Variants in PTGER4 observed in about 807,000 individuals in gnomAD.
The protein encoded by PTGER4 is prostaglandin E receptor 4.
A neutral mutation model predicts 33.2 loss-of-function variants in PTGER4; 11 were observed. The ratio of observed to expected loss-of-function variants is 0.33; its 90% CI spans 0.21 to 0.55. The LOEUF (loss-of-function observed/expected upper bound fraction) is 0.55. Among genes scored for constraint, PTGER4 ranks in the 20% least tolerant of loss-of-function variants. The pLI is 0.92. For missense variants in PTGER4, 481 were observed against 650.2 expected, an observed-to-expected ratio of 0.74 and a Z score of 2.83; for synonymous variants, 275 against 281.5, an observed-to-expected ratio of 0.98 and a Z score of 0.23.
Position 40,680,905 on chromosome 5 carries a change from G to A in PTGER4, c.-43-46G>A, listed in dbSNP as rs912895351. On this transcript the variant is annotated intron_variant, in intron 1 of 2. Coordinates refer to ENST00000302472, the MANE Select transcript of PTGER4 (RefSeq NM_000958.3). The surrounding 1 kb of genome is among the most constrained non-coding windows in gnomAD (Gnocchi z 5.5). ...GCGCGGGTCTAACACCTTACAAGTG[G>A]TAATTTCCGCTCACGGCAGCTTTGT... 4 of 1,493,504 alleles carry A rather than the reference G, an allele frequency of 2.7e-6. No individual in the cohort carries two copies. The African/African-American group carries it at 4.2e-5, about 16-fold the overall frequency. The allele number at this position is 1,493,504 out of a possible 1,614,324, so 92.5% of individuals were successfully genotyped here. A position where few individuals can be genotyped will look rare whatever the true frequency, so the allele number is the denominator to read the frequency against.
At chr5:40,736,604 A>T in the PTGER4 span, among the ~76,000 whole-genome samples, 1 of 152,182 alleles carries the variant, frequency 6.6e-6, no homozygotes, top group Non-Finnish European at 1.5e-5. Context: ...AATTTACAAA[A>T]ATATATATTA....
At chr5:40,733,426 G>A in the PTGER4 span, among the ~76,000 whole-genome samples, 36 of 152,150 alleles carry the variant, frequency 2.4e-4, no homozygotes, top group Non-Finnish European at 5.0e-4. Context: ...GGGCATTGCT[G>A]TGTCCCAGTA....
Position 40,693,231 on chromosome 5 carries a change from CCTCA to C in PTGER4, c.*856_*859del, listed in dbSNP as rs1256222596. On this transcript the variant is annotated 3_prime_UTR_variant, in exon 3 of 3. Transcript: ENST00000302472. Reference sequence around the variant, plus strand: ...GCTGGTGAATATTTTCAACTTTTTCCCTCACTAATTGGTACTTTTAAAAACATAA... The same window carrying C: ...GCTGGTGAATATTTTCAACTTTTTCCCTAATTGGTACTTTTAAAAACATAA... The C allele has an allele frequency of 1.0e-6, 1 of 983,822 alleles. No individual in the cohort carries two copies. Among genetic ancestry groups the C allele is most frequent in the Non-Finnish European group, 1.2e-6 (1 of 828,368 alleles). 60.9% of individuals were successfully genotyped at this position (983,822 alleles called of 1,614,324 possible). A position where few individuals can be genotyped will look rare whatever the true frequency, so the allele number is the denominator to read the frequency against.
Position 40,681,551 on chromosome 5 carries a change from C to T in PTGER4, c.558C>T (p.Tyr186=). 1 of 1,612,256 alleles carries T rather than the reference C, an allele frequency of 6.2e-7. No homozygotes were observed. The highest frequency in any genetic ancestry group is 8.5e-7 in the Non-Finnish European group (1 of 1,180,044). Reference sequence around the variant, plus strand: ...TGACGGCGCACGCCGCCTACTCCTACATGTACGCGGGCTTCAGCTCCTTCC... The same window carrying T: ...TGACGGCGCACGCCGCCTACTCCTATATGTACGCGGGCTTCAGCTCCTTCC... The part of the protein sequence containing the change: ...TNVTAHAAYS[Y]MYAGFSSFLI... Residue 186 remains tyrosine, a synonymous_variant, in exon 2 of 3, where the codon TAC becomes TAT. Coordinates refer to ENST00000302472, the MANE Select transcript of PTGER4 (RefSeq NM_000958.3). The surrounding 1 kb of genome is among the most constrained non-coding windows in gnomAD (Gnocchi z 9.8).
the PTGER4 span, chr5:40,730,349 G>A: frequency 6.2e-7 from 1 of 1,609,280 alleles, no homozygotes; most frequent in South Asian, 1.1e-5. Context: ...GATATCTGTG[G>A]TTGTTAAAGT....
chr5:40,693,904 CT>C (rs752562574), downstream of PTGER4, among the ~76,000 whole-genome samples: 4 of 151,946 alleles, frequency 2.6e-5, no homozygotes, highest in South Asian at 8.3e-4. Flanking sequence ...GAGAATGACA[CT>C]TTACTCAAAG....
the PTGER4 span, among the ~76,000 whole-genome samples, chr5:40,701,877 T>C: frequency 6.6e-6 from 1 of 152,126 alleles, no homozygotes; most frequent in South Asian, 2.1e-4. Flanking sequence ...GGGCCTATGT[T>C]CAACATCATA....
chr5:40,730,236 A>C, the PTGER4 span: 1 of 1,554,056 alleles, frequency 6.4e-7, no homozygotes. Flanking sequence ...TTTCATAAGG[A>C]AAGTGAAATT....
downstream of PTGER4, among the ~76,000 whole-genome samples, chr5:40,698,120 C>CAAAAAAAAAA (rs1352485485): frequency 1.4e-5 from 1 of 71,054 alleles, no homozygotes; most frequent in African/African-American, 5.0e-5. Context: ...AAAAAAAAAA[C>CAAAAAAAAAA]CATGAAAAAT....
At chr5:40,718,454 G>A in the PTGER4 span, among the ~76,000 whole-genome samples, 4 of 151,054 alleles carry the variant, frequency 2.6e-5, no homozygotes, top group Non-Finnish European at 5.9e-5. Flanking sequence ...ATATAAAGCA[G>A]TATTTGGCCA....
At chr5:40,717,231 A>AAC in the PTGER4 span, among the ~76,000 whole-genome samples, 1 of 146,056 alleles carries the variant, frequency 6.8e-6, no homozygotes, top group African/African-American at 2.6e-5. Context: ...CTCCATCTCA[A>AAC]AAAAAAAAAA....
the PTGER4 span, among the ~76,000 whole-genome samples, chr5:40,703,483 A>C: frequency 4.4e-4 from 67 of 152,286 alleles, no homozygotes; most frequent in African/African-American, 1.6e-3. Context: ...CAAGCTCTGA[A>C]ATTGAATCAG....
At chr5:40,701,626 C>T in the PTGER4 span, among the ~76,000 whole-genome samples, 1 of 152,086 alleles carries the variant, frequency 6.6e-6, no homozygotes, top group East Asian at 1.9e-4. Flanking sequence ...TATCATCTAC[C>T]AAATTTCTCA....
the PTGER4 span, among the ~76,000 whole-genome samples, chr5:40,726,160 T>C: frequency 2.3e-4 from 34 of 148,170 alleles, no homozygotes; most frequent in Admixed American, 4.7e-4. Flanking sequence ...TATATATATA[T>C]ACACACACAC....
At chr5:40,687,459 C>T (rs549095166) in intron 2 of PTGER4, among the ~76,000 whole-genome samples, 7 of 152,288 alleles carry the variant, frequency 4.6e-5, no homozygotes, top group South Asian at 4.1e-4. Flanking sequence ...ACAAGAATTC[C>T]GAAAAGTGCT....
rs1176047913 is a variant in PTGER4 at position 40,689,228 on chromosome 5, A to G, written c.868-2551A>G. Among the ~76,000 whole-genome samples, 5 of 152,328 alleles carry G rather than the reference A, an allele frequency of 3.3e-5. No individual in the cohort carries two copies. In the East Asian group the frequency reaches 9.6e-4, roughly 29 times the overall value. The stretch of plus-strand genomic sequence containing the variant: ...AATGAGTGTAAGTTCTCAAAACAAA[A>G]CAAGTGAATAACAACAAAACAATAA... On this transcript the variant is annotated intron_variant, in intron 2 of 2. Transcript: ENST00000302472.
chr5:40,728,946 C>T, the PTGER4 span, among the ~76,000 whole-genome samples: 276 of 152,196 alleles, frequency 1.8e-3, no homozygotes, highest in African/African-American at 6.5e-3. Flanking sequence ...GCATTTCAAA[C>T]CATACATACT....
In PTGER4 at chr5:40,692,071, A is replaced by G. The variant is rs1741488129; in HGVS notation, c.1160A>G (p.Glu387Gly). The stretch of plus-strand genomic sequence containing the variant: ...TCCTTCATCTCCCGGGAGCTGAAGG[A>G]GATCAGCAGTACATCTCAGACCCTC... ...SRSFISRELKEISSTSQTLLP... is the reference protein window; with the variant it reads ...SRSFISRELKGISSTSQTLLP... The change falls in exon 3 of 3, where the codon GAG becomes GGG. Residue 387 changes from glutamate to glycine, a missense_variant. Glu to Gly is a moderately conservative substitution (Grantham distance 98). This residue lies in a region of PTGER4 where 172 missense variants were observed against 199.2 expected (regional missense o/e 0.86). Transcript: ENST00000302472. 6.2e-7 allele frequency: 1 copy of G among 1,614,090 alleles called. No individual in the cohort carries two copies. The highest frequency in any genetic ancestry group is 8.5e-7 in the Non-Finnish European group (1 of 1,180,044).
chr5:40,726,264 T>C, the PTGER4 span, among the ~76,000 whole-genome samples: 5 of 151,614 alleles, frequency 3.3e-5, no homozygotes, highest in African/African-American at 1.2e-4. Context: ...CATCCAACTC[T>C]TACAAAGTTT....
Sources: allele counts gnomAD v4.1 joint callset (sites outside exome capture counted in the v4.1 genomes callset), GRCh38; gene constraint gnomAD v4.1.1; regional missense constraint gnomAD v4.1.1; non-coding constraint Gnocchi (gnomAD v3.1); transcripts MANE v1.5; gene names NCBI Gene and HGNC (gene_info 2026-07-23, HGNC 2026-07-21).